The following SMIM23 variants were observed in gnomAD, a reference collection of about 807,000 sequenced individuals.
SMIM23 encodes CTB-78H18.1.
A neutral mutation model predicts 12.8 loss-of-function variants in SMIM23; 10 were observed. The observed-to-expected ratio is 0.78, with a 90% CI of 0.48 to 1.32. The LOEUF is 1.32. SMIM23 is among the 40% of genes most tolerant of loss of function. SMIM23 has a pLI of 0.00. For synonymous variants in SMIM23, 78 were observed against 80.1 expected, an observed-to-expected ratio of 0.97 and a Z score of 0.14; for missense variants, 184 against 198.2, an observed-to-expected ratio of 0.93 and a Z score of 0.43.
In SMIM23 at chr5:171,791,125, T is replaced by A. The variant is rs1755918335; in HGVS notation, c.*37T>A. On this transcript the variant is annotated 3_prime_UTR_variant, in exon 4 of 4. Transcript: ENST00000523047. ...CCAGTCAGGCAAGAAAATAAAGTAG[T>A]TGGGAAATGAAGTCCGCTGTTCACA... 1.4e-6 allele frequency: 2 copies of A among 1,447,204 alleles called. No homozygotes were observed. The highest frequency in any genetic ancestry group is 5.0e-5 in the East Asian group (2 of 40,184). 89.6% of individuals were successfully genotyped at this position (1,447,204 alleles called of 1,614,324 possible). A position where few individuals can be genotyped will look rare whatever the true frequency, so the allele number is the denominator to read the frequency against.
Position 171,790,816 on chromosome 5 carries a change from G to T in SMIM23, c.247G>T (p.Glu83Ter). 2.0e-6 allele frequency: 3 copies of T among 1,536,100 alleles called. No individual in the cohort carries two copies. The highest frequency in any genetic ancestry group is 2.6e-6 in the Non-Finnish European group (3 of 1,146,916). Residue 83 changes from glutamate (E) to a stop codon, truncating the protein, a stop_gained, in exon 4 of 4, where the codon GAG becomes TAG. Transcript: ENST00000523047. LOFTEE classifies it low-confidence loss of function (END_TRUNC). ...CCAGGGGCTTGAATATCAGACCAAC[G>T]AGCCCTCAGAAGAACCGATAAAGAC... is the stretch of plus-strand genomic sequence containing the variant. ...VPQGLEYQTN[E>*]PSEEPIKTIR...
chr5:171,775,963 C>G, the SMIM23 span, among the ~76,000 whole-genome samples: 5 of 152,188 alleles, frequency 3.3e-5, no homozygotes, highest in Non-Finnish European at 7.3e-5. Context: ...CCTCCACCTC[C>G]CGGGTTCAAG....
the SMIM23 span, among the ~76,000 whole-genome samples, chr5:171,776,063 G>GT: frequency 1.1e-4 from 16 of 152,292 alleles, no homozygotes; most frequent in Middle Eastern, 3.4e-3. Context: ...TAGATACGGG[G>GT]TTTCGCCATG....
chr5:171,774,723 G>C, the SMIM23 span: 2 of 402,308 alleles, frequency 5.0e-6, no homozygotes, highest in East Asian at 7.2e-5. Flanking sequence ...CCTTATAAAA[G>C]CACAACCTGA....
chr5:171,773,574 G>C, the SMIM23 span: 1 of 338,758 alleles, frequency 3.0e-6, no homozygotes, highest in Non-Finnish European at 5.7e-6. Context: ...GGGGCAGACT[G>C]AAAAATGCAC....
At chr5:171,774,591 A>ACCCTG in the SMIM23 span, 2 of 454,906 alleles carry the variant, frequency 4.4e-6, no homozygotes, top group Non-Finnish European at 8.8e-6. Flanking sequence ...CACTGTCCCT[A>ACCCTG]CCCTGCCCTG....
upstream of SMIM23, among the ~76,000 whole-genome samples, chr5:171,780,154 A>T (rs1397129444): frequency 6.6e-6 from 1 of 152,106 alleles, no homozygotes; most frequent in African/African-American, 2.4e-5. Flanking sequence ...CCCTTGGCAG[A>T]GTGTAATTTT....
chr5:171,775,488 T>C, the SMIM23 span, among the ~76,000 whole-genome samples: 1 of 152,138 alleles, frequency 6.6e-6, no homozygotes, highest in African/African-American at 2.4e-5. Flanking sequence ...GTCCTCCCCA[T>C]CGCCACAGGA....
upstream of SMIM23, among the ~76,000 whole-genome samples, chr5:171,778,234 G>A (rs886457884): frequency 1.4e-4 from 21 of 152,042 alleles, no homozygotes; most frequent in African/African-American, 4.1e-4. Context: ...GCAAGTGCCT[G>A]TAATCCCAGC....
the SMIM23 span, among the ~76,000 whole-genome samples, chr5:171,775,078 T>TA: frequency 1.3e-5 from 2 of 152,126 alleles, no homozygotes; most frequent in Non-Finnish European, 2.9e-5. Context: ...ATTTCAACCT[T>TA]AGACTGCTAG....
chr5:171,786,129 A>G (rs1403545799), intron 1 of SMIM23, among the ~76,000 whole-genome samples, 153 bp downstream of exon 1: 1 of 152,202 alleles, frequency 6.6e-6, no homozygotes, highest in Non-Finnish European at 1.5e-5. Context: ...GGGCCTAGGC[A>G]CTTCTTGCCG....
chr5:171,772,899 G>A, the SMIM23 span, among the ~76,000 whole-genome samples: 8 of 152,214 alleles, frequency 5.3e-5, no homozygotes, highest in African/African-American at 1.9e-4. Context: ...TCTTTGATTG[G>A]AAAAGTATCT....
the SMIM23 span, chr5:171,774,515 C>T: frequency 6.6e-6 from 3 of 456,244 alleles, no homozygotes; most frequent in Non-Finnish European, 4.4e-6. Flanking sequence ...TCCTGGATTT[C>T]AGCAGTCCCA....
chr5:171,778,007 A>C (rs1755668225), upstream of SMIM23, among the ~76,000 whole-genome samples: 1 of 152,222 alleles, frequency 6.6e-6, no homozygotes, highest in Non-Finnish European at 1.5e-5. Flanking sequence ...GAACCTGTGA[A>C]TATTACCTCA....
At chr5:171,788,476 C>T (rs1474710498) in intron 1 of SMIM23, among the ~76,000 whole-genome samples, 2 of 152,034 alleles carry the variant, frequency 1.3e-5, no homozygotes, top group South Asian at 2.1e-4. Context: ...CTTGTTTCCT[C>T]TCTTGACCTC....
chr5:171,784,268 G>A (rs1384924779), upstream of SMIM23, among the ~76,000 whole-genome samples: 1 of 152,196 alleles, frequency 6.6e-6, no homozygotes, highest in East Asian at 1.9e-4. Flanking sequence ...CACTTTGGGA[G>A]GCCGAGGCAA....
chr5:171,788,840 G>GA (rs960175146), intron 1 of SMIM23, among the ~76,000 whole-genome samples: 2 of 151,652 alleles, frequency 1.3e-5, no homozygotes, highest in African/African-American at 2.4e-5. Flanking sequence ...CAAACGTGTA[G>GA]AAAAAAAAAT....
At chr5:171,783,310 T>C (rs1755758755), upstream of SMIM23, among the ~76,000 whole-genome samples, 1 of 152,196 alleles carries the variant, frequency 6.6e-6, no homozygotes, top group African/African-American at 2.4e-5. Context: ...ATGAAGTTTA[T>C]ATGGAAAGGC....
At chr5:171,787,004 CTTTTTTTTTTTTTTTT>C (rs202159150) in intron 1 of SMIM23, among the ~76,000 whole-genome samples, 1 of 71,256 alleles carries the variant, frequency 1.4e-5, no homozygotes, top group Non-Finnish European at 2.8e-5. Flanking sequence ...CCATTGTTTC[CTTTTTTTTTTTTTTTT>C]TTTTTTTTTT....
Sources: gnomAD v4.1 joint callset for allele counts (sites outside exome capture counted in the v4.1 genomes callset) on GRCh38, gnomAD v4.1.1 for gene constraint, MANE v1.5 for transcripts, NCBI Gene and HGNC (gene_info 2026-07-23, HGNC 2026-07-21) for gene names.